Variants in ANKRD13C observed in about 807,000 individuals in gnomAD.
ANKRD13C encodes ankyrin repeat domain-containing protein 13C.
Under a neutral mutation model 65.5 loss-of-function variants are expected in ANKRD13C, and 16 were observed. The observed-to-expected ratio is 0.24, with a 90% confidence interval of 0.17 to 0.37. ANKRD13C has a LOEUF of 0.37. Among genes scored for constraint, ANKRD13C ranks in the 10% least tolerant of loss-of-function variants. The pLI, the probability that ANKRD13C is intolerant of heterozygous loss-of-function variation, is 1.00. For missense variants in ANKRD13C, 503 were observed against 655.9 expected (o/e 0.77, Z 2.55); for synonymous variants, 235 against 238.7 (o/e 0.98, Z 0.14).
intron 1 of ANKRD13C, among the ~76,000 whole-genome samples, chr1:70,346,550 C>G (rs1682534191): frequency 6.6e-6 from 1 of 152,098 alleles, no homozygotes; most frequent in Non-Finnish European, 1.5e-5. Context: ...AGTACTAGTA[C>G]AGAGCTCCAG....
At chr1:70,326,007 C>T (rs1049849040) in intron 2 of ANKRD13C, among the ~76,000 whole-genome samples, 1 of 151,918 alleles carries the variant, frequency 6.6e-6, no homozygotes, top group African/African-American at 2.4e-5. Flanking sequence ...TGAAGTGGGC[C>T]GATCACCTGA....
chr1:70,329,337 A>C (rs1681683601), intron 2 of ANKRD13C, among the ~76,000 whole-genome samples: 2 of 152,228 alleles, frequency 1.3e-5, no homozygotes, highest in South Asian at 2.1e-4. Context: ...CCTGGCCAAC[A>C]TAGTGAAACC....
At chr1:70,350,899 G>A (rs1682717074) in intron 1 of ANKRD13C, among the ~76,000 whole-genome samples, 1 of 152,136 alleles carries the variant, frequency 6.6e-6, no homozygotes, top group Non-Finnish European at 1.5e-5. Flanking sequence ...GGTGGCTCAC[G>A]CCTGTAATCC....
intron 2 of ANKRD13C, among the ~76,000 whole-genome samples, chr1:70,335,688 T>TTA (rs1055604499): frequency 2.7e-5 from 4 of 149,566 alleles, no homozygotes; most frequent in African/African-American, 9.7e-5. Flanking sequence ...ACTTATGACT[T>TTA]TATATATATA....
chr1:70,354,063 C>G lies in ANKRD13C; in HGVS notation c.346G>C (p.Val116Leu). The change falls in exon 1 of 13, where the codon GTG becomes CTG. Residue 116 changes from valine (V) to leucine (L), a missense_variant. Val to Leu is a conservative substitution (Grantham distance 32). This residue lies in a region of ANKRD13C where 203 missense variants were observed against 177.6 expected (regional missense o/e 1.14). Coordinates refer to ENST00000370944, the MANE Select transcript of ANKRD13C (RefSeq NM_030816.5). The stretch of plus-strand genomic sequence containing the variant: ...TCCCCCTTGAAGACGCACTCGTGCA[C>G]CGGGTAGTGTGCGGGGCAACTGCCT... ...DGGSCPAHYP[V>L]HECVFKGDVR... 1.2e-6 allele frequency: 2 copies of G among 1,606,254 alleles called. No individual in the cohort carries two copies. The highest frequency in any genetic ancestry group is 2.2e-5 in the East Asian group (1 of 44,742).
chr1:70,302,082 C>T (rs1680380964), intron 6 of ANKRD13C, among the ~76,000 whole-genome samples: 1 of 152,138 alleles, frequency 6.6e-6, no homozygotes, highest in South Asian at 2.1e-4. Flanking sequence ...TTCTTGGTTT[C>T]CCTAGACAGG....
intron 5 of ANKRD13C, 62 bp from the exon 6 acceptor site, chr1:70,306,352 T>C (rs1680587171): frequency 1.8e-6 from 2 of 1,095,448 alleles, no homozygotes; most frequent in Non-Finnish European, 2.6e-6. Flanking sequence ...TTTACAAACT[T>C]TTAAATTAAA....
Position 70,354,337 on chromosome 1 carries a change from C to A in ANKRD13C, c.72G>T (p.Glu24Asp). 2 of 1,614,140 alleles carry A rather than the reference C, an allele frequency of 1.2e-6. No homozygotes were observed. Among genetic ancestry groups the A allele is most frequent in the African/African-American group, 1.3e-5 (1 of 75,056 alleles). The change falls in exon 1 of 13, where the codon GAG becomes GAT. Residue 24 changes from glutamate (E) to aspartate (D), a missense_variant. By Grantham distance (45) the Glu-to-Asp change is conservative. Transcript: ENST00000370944. ...KPSKEEGDLL[E>D]PGDEEAAAAL... ...CAGCCGCCGCTTCCTCATCCCCGGG[C>A]TCCAGCAGGTCCCCTTCTTCTTTGC...
chr1:70,273,652 A>C (rs1678993347), intron 11 of ANKRD13C, among the ~76,000 whole-genome samples: 1 of 152,052 alleles, frequency 6.6e-6, no homozygotes, highest in Non-Finnish European at 1.5e-5. Flanking sequence ...AAACTTCAAG[A>C]CACACTCATT....
chr1:70,272,017 T>C (rs2101123033), intron 11 of ANKRD13C, among the ~76,000 whole-genome samples: 1 of 152,284 alleles, frequency 6.6e-6, no homozygotes, highest in Non-Finnish European at 1.5e-5. Flanking sequence ...TGTTTTGTAA[T>C]AGTGCCATTT....
intron 10 of ANKRD13C, among the ~76,000 whole-genome samples, chr1:70,276,115 CA>C (rs1679124410): frequency 6.6e-6 from 1 of 151,786 alleles, no homozygotes; most frequent in African/African-American, 2.4e-5. Flanking sequence ...TATTCTCCAC[CA>C]AAAGGAAATA....
At chr1:70,265,743 T>C (rs1678587427) in intron 12 of ANKRD13C, among the ~76,000 whole-genome samples, 1 of 142,796 alleles carries the variant, frequency 7.0e-6, no homozygotes, top group African/African-American at 2.6e-5. Context: ...AAGGATGGCT[T>C]GAGACTGGTA....
At chr1:70,301,182 T>C (rs3795695) in intron 6 of ANKRD13C, among the ~76,000 whole-genome samples, 11,130 of 151,118 alleles carry the variant, frequency 0.074, 492 homozygotes, top group South Asian at 0.2. Context: ...CACACACATA[T>C]ATATATATAT....
At chr1:70,264,201 C>T (rs1027479244) in intron 12 of ANKRD13C, among the ~76,000 whole-genome samples, 3 of 151,864 alleles carry the variant, frequency 2.0e-5, no homozygotes, top group Non-Finnish European at 2.9e-5. Context: ...TTAGGCTGGG[C>T]GTGGTGGCTC....
chr1:70,317,718 T>A lies in ANKRD13C; in HGVS notation c.578-2152A>T, dbSNP rs78848560. On this transcript the variant is annotated intron_variant, in intron 3 of 12. Coordinates refer to ENST00000370944, the MANE Select transcript of ANKRD13C (RefSeq NM_030816.5). The stretch of plus-strand genomic sequence containing the variant: ...GTTATATTACTCAAATGTAGTACAA[T>A]TCTTTTTAATGGTCATTGTTTTCTA... Among the ~76,000 whole-genome samples, 401 of 152,288 alleles carry A rather than the reference T, an allele frequency of 2.6e-3. 2 individuals carry two copies. The highest frequency in any genetic ancestry group is 9.3e-3 in the African/African-American group (387 of 41,578).
chr1:70,274,711 CA>C lies in ANKRD13C; in HGVS notation c.1394+8del. The C allele has an allele frequency of 6.3e-7, 1 of 1,590,130 alleles. No homozygotes were observed. The highest frequency in any genetic ancestry group is 1.1e-5 in the South Asian group (1 of 90,472). ...TTTCATAAACATTTGTAGTTAGTAA[CA>C]AACTTACAACTCTATCCCTAAGGGA... On this transcript the variant is annotated splice_region_variant and intron_variant, in intron 11 of 12. Coordinates refer to ENST00000370944, the MANE Select transcript of ANKRD13C (RefSeq NM_030816.5).
chr1:70,289,591 T>TG (rs899599894), intron 9 of ANKRD13C, among the ~76,000 whole-genome samples: 10 of 151,768 alleles, frequency 6.6e-5, no homozygotes, highest in African/African-American at 2.4e-4. Context: ...CTCAGCCTCC[T>TG]GAGTAGCTGG....
At chr1:70,331,816 G>C (rs1202542302) in intron 2 of ANKRD13C, among the ~76,000 whole-genome samples, 2 of 70,384 alleles carry the variant, frequency 2.8e-5, no homozygotes, top group African/African-American at 1.2e-4. Context: ...AGCAAGACTC[G>C]ACTCAAAAAA....
chr1:70,315,450 G>A, intron 4 of ANKRD13C, 31 bp downstream of exon 4: 2 of 1,551,032 alleles, frequency 1.3e-6, no homozygotes, highest in Non-Finnish European at 1.8e-6. Flanking sequence ...TTACTTCCAA[G>A]GTGCAAAATT....
Sources: allele counts gnomAD v4.1 joint callset (sites outside exome capture counted in the v4.1 genomes callset), GRCh38; gene constraint gnomAD v4.1.1; regional missense constraint gnomAD v4.1.1; transcripts MANE v1.5; gene names NCBI Gene and HGNC (gene_info 2026-07-23, HGNC 2026-07-21).